Variants in MMP16 observed in about 807,000 individuals in gnomAD.
The protein encoded by MMP16 is matrix metalloproteinase-16.
A neutral mutation model predicts 67.8 loss-of-function variants in MMP16; 12 were observed. The ratio of observed to expected loss-of-function variants is 0.18; its 90% CI spans 0.11 to 0.29. MMP16 has a LOEUF of 0.29. Among genes scored for constraint, MMP16 ranks in the 10% least tolerant of loss-of-function variants. The pLI is 1.00. For missense variants in MMP16, 475 were observed against 765.7 expected (o/e 0.62, Z 4.48); for synonymous variants, 249 against 255.9 (o/e 0.97, Z 0.26).
chr8:88,151,570 C>T (rs1337976268), intron 4 of MMP16, among the ~76,000 whole-genome samples: 13 of 139,656 alleles, frequency 9.3e-5, no homozygotes, highest in African/African-American at 3.2e-4. Context: ...CACTCAAAGC[C>T]GCTCAACTAC....
At chr8:88,078,527 A>AC (rs1244359088) in intron 6 of MMP16, among the ~76,000 whole-genome samples, 5 of 152,154 alleles carry the variant, frequency 3.3e-5, no homozygotes, top group African/African-American at 1.2e-4. Context: ...TTAATGATCT[A>AC]CTATCAGTAG....
chr8:88,309,525 C>T (rs1811264004), intron 1 of MMP16, among the ~76,000 whole-genome samples: 1 of 152,046 alleles, frequency 6.6e-6, no homozygotes, highest in African/African-American at 2.4e-5. Flanking sequence ...AAAAAAATGA[C>T]TGAAACCTGC....
At chr8:88,119,087 T>C (rs561324533) in intron 4 of MMP16, among the ~76,000 whole-genome samples, 1 of 152,184 alleles carries the variant, frequency 6.6e-6, no homozygotes, top group East Asian at 1.9e-4. Flanking sequence ...CACAGAGATT[T>C]AGAATCCAAA....
intron 4 of MMP16, among the ~76,000 whole-genome samples, chr8:88,141,105 G>A (rs572768618): frequency 3.0e-4 from 46 of 152,264 alleles, no homozygotes; most frequent in African/African-American, 1.1e-3. Flanking sequence ...AAGTCGAAGG[G>A]AGACAGCCTC....
intron 3 of MMP16, among the ~76,000 whole-genome samples, chr8:88,184,778 A>AAAAAAAAAAAAAAAAAAAAAAC (rs1809046493): frequency 7.7e-6 from 1 of 130,114 alleles, no homozygotes; most frequent in African/African-American, 2.8e-5. Context: ...AAAAAAAAAA[A>AAAAAAAAAAAAAAAAAAAAAAC]GAAAAGAAAA....
At chr8:88,211,811 A>C (rs569651030) in intron 1 of MMP16, among the ~76,000 whole-genome samples, 1 of 152,314 alleles carries the variant, frequency 6.6e-6, no homozygotes, top group East Asian at 1.9e-4. Context: ...TCCTTTATTT[A>C]ACTTCCCTGC....
chr8:88,078,087 TCTCTCCCTCTTCCTGTCTCTTTCTC>T (rs1194063033), intron 6 of MMP16, among the ~76,000 whole-genome samples: 3 of 152,076 alleles, frequency 2.0e-5, no homozygotes, highest in African/African-American at 7.2e-5. Context: ...TGTTTTCTTC[TCTCTCCCTCTTCCTGTCTCTTTCTC>T]CTCTCCCTCT....
At chr8:88,075,142 T>C (rs577586000) in intron 6 of MMP16, among the ~76,000 whole-genome samples, 2 of 152,078 alleles carry the variant, frequency 1.3e-5, no homozygotes, top group African/African-American at 2.4e-5. Context: ...ACACCTACCA[T>C]GTTGAGGATG....
At chr8:88,174,785 C>CA (rs1194671332) in intron 3 of MMP16, among the ~76,000 whole-genome samples, 23 of 148,644 alleles carry the variant, frequency 1.5e-4, no homozygotes, top group African/African-American at 5.7e-4. Flanking sequence ...GATGGAGTCT[C>CA]AGTCTCTTGT....
At chr8:88,273,516 T>C (rs991473780) in intron 1 of MMP16, among the ~76,000 whole-genome samples, 4 of 152,308 alleles carry the variant, frequency 2.6e-5, no homozygotes, top group South Asian at 4.1e-4. Flanking sequence ...TGACACAGAA[T>C]AGCACTACTG....
intron 1 of MMP16, among the ~76,000 whole-genome samples, chr8:88,215,728 C>T (rs371585213): frequency 6.6e-6 from 1 of 152,118 alleles, no homozygotes. Flanking sequence ...CAGTAGAGTT[C>T]ACCATCTCCT....
intron 1 of MMP16, among the ~76,000 whole-genome samples, chr8:88,223,049 A>C (rs1223863357): frequency 6.6e-6 from 1 of 152,174 alleles, no homozygotes; most frequent in Non-Finnish European, 1.5e-5. Context: ...ATGAACAGAC[A>C]CTTCTCAAAA....
intron 6 of MMP16, among the ~76,000 whole-genome samples, chr8:88,103,177 C>T (rs767445537): frequency 6.6e-6 from 1 of 151,750 alleles, no homozygotes; most frequent in African/African-American, 2.4e-5. Context: ...ACTTTACACC[C>T]GCACATGCAG....
chr8:88,298,077 A>T (rs940261794), intron 1 of MMP16, among the ~76,000 whole-genome samples: 1 of 152,222 alleles, frequency 6.6e-6, no homozygotes, highest in Non-Finnish European at 1.5e-5. Flanking sequence ...TAAATAAATT[A>T]AAAAGGTAGT....
At chr8:88,193,976 A>G (rs953301347) in intron 2 of MMP16, among the ~76,000 whole-genome samples, 2 of 151,974 alleles carry the variant, frequency 1.3e-5, no homozygotes, top group Non-Finnish European at 2.9e-5. Context: ...AAAATTAGCT[A>G]TGCATCTATA....
intron 3 of MMP16, among the ~76,000 whole-genome samples, chr8:88,174,033 G>A (rs1225379013): frequency 1.3e-5 from 2 of 152,070 alleles, no homozygotes; most frequent in Non-Finnish European, 2.9e-5. Flanking sequence ...AATGAAAAAT[G>A]TTTCTGTGTA....
chr8:88,258,807 A>C (rs1352225483), intron 1 of MMP16, among the ~76,000 whole-genome samples: 2 of 152,192 alleles, frequency 1.3e-5, no homozygotes, highest in Admixed American at 6.5e-5. Context: ...ACACAGTATA[A>C]AGTTGGAATA....
At chr8:88,123,685 TG>T (rs1231915634) in intron 4 of MMP16, among the ~76,000 whole-genome samples, 1 of 151,984 alleles carries the variant, frequency 6.6e-6, no homozygotes, top group East Asian at 1.9e-4. Flanking sequence ...TCAGAGGCTA[TG>T]GAACTTGCTC....
chr8:88,284,271 T>A (rs1034577134), intron 1 of MMP16, among the ~76,000 whole-genome samples: 1 of 152,218 alleles, frequency 6.6e-6, no homozygotes, highest in Non-Finnish European at 1.5e-5. Flanking sequence ...GTAACAGTCA[T>A]ACAATAGTGG....
Sources: allele counts gnomAD v4.1 joint callset (sites outside exome capture counted in the v4.1 genomes callset), GRCh38; gene constraint gnomAD v4.1.1; transcripts MANE v1.5; gene names NCBI Gene and HGNC (gene_info 2026-07-23, HGNC 2026-07-21).